The following FARP1 variants were observed in gnomAD, a reference collection of about 807,000 sequenced individuals.
FARP1 encodes FERM, ARH/RhoGEF and pleckstrin domain protein 1, also known as FERM, ARHGEF and pleckstrin domain-containing protein 1.
In FARP1, 52 loss-of-function variants were observed where a neutral mutation model predicts 128.8. The ratio of observed to expected loss-of-function variants is 0.40; its 90% CI spans 0.32 to 0.51. The LOEUF is 0.51. FARP1 is among the 20% of genes least tolerant of loss of function. The pLI is 0.45. For missense variants in FARP1, 1,333 were observed against 1,367.9 expected (o/e 0.97, Z 0.40); for synonymous variants, 580 against 551.8 (o/e 1.05, Z -0.72).
chr13:98,352,030 A>AGGTGGT (rs375833462), intron 3 of FARP1, among the ~76,000 whole-genome samples: 1 of 152,172 alleles, frequency 6.6e-6, no homozygotes, highest in Non-Finnish European at 1.5e-5. Context: ...AGTTCTAAGA[A>AGGTGGT]GGTGGTGGTG....
At chr13:98,294,563 G>A (rs755341423) in intron 2 of FARP1, among the ~76,000 whole-genome samples, 1 of 152,150 alleles carries the variant, frequency 6.6e-6, no homozygotes, top group Non-Finnish European at 1.5e-5. Context: ...TCATTATAGG[G>A]AAAGATAAAA....
At chr13:98,197,969 A>G (rs1879685618) in intron 1 of FARP1, among the ~76,000 whole-genome samples, 1 of 152,208 alleles carries the variant, frequency 6.6e-6, no homozygotes, top group Non-Finnish European at 1.5e-5. Flanking sequence ...GCTGTTGGGA[A>G]TATGCTGACT....
At position 98,233,483 on chromosome 13, in the gene FARP1, C is replaced by T. The variant is rs151067774; in HGVS notation, c.171+20070C>T. ...TCAGCCAAGGAGTCCCAGCTCCTTC[C>T]CCCAAATACACTCATTAGATAGACA... On this transcript the variant is annotated intron_variant, in intron 2 of 26. Coordinates refer to ENST00000319562, the MANE Select transcript of FARP1 (RefSeq NM_005766.4). Among the ~76,000 whole-genome samples the T allele has an allele frequency of 2.0e-5, 3 of 152,234 alleles. No individual in the cohort carries two copies. In the East Asian group the frequency reaches 5.8e-4, roughly 29 times the overall value.
chr13:98,159,091 G>C (rs1348421078), intron 1 of FARP1, among the ~76,000 whole-genome samples: 1 of 152,216 alleles, frequency 6.6e-6, no homozygotes, highest in African/African-American at 2.4e-5. Flanking sequence ...AGTCTAGTGT[G>C]TGAACAAGCA....
intron 14 of FARP1, among the ~76,000 whole-genome samples, chr13:98,410,380 G>C (rs1431427559): frequency 6.6e-6 from 1 of 152,212 alleles, no homozygotes; most frequent in Non-Finnish European, 1.5e-5. Context: ...CATAGGACGA[G>C]ACAGTTCCTT....
chr13:98,348,162 T>A (rs1169296174), intron 3 of FARP1, among the ~76,000 whole-genome samples: 1 of 152,250 alleles, frequency 6.6e-6, no homozygotes, highest in Non-Finnish European at 1.5e-5. Flanking sequence ...TTAATTAGAC[T>A]TGTCCCAAGG....
chr13:98,448,537 G>GTTCT lies in FARP1; in HGVS notation c.*223_*226dup. The GTTCT allele has an allele frequency of 1.8e-6, 1 of 559,434 alleles. No individual in the cohort carries two copies. The highest frequency in any genetic ancestry group is 3.1e-5 in the East Asian group (1 of 32,776). 34.7% of individuals were successfully genotyped at this position (559,434 alleles called of 1,614,324 possible). A position where few individuals can be genotyped will look rare whatever the true frequency, so the allele number is the denominator to read the frequency against. ...AGTCCTGGCATCCGCTGGGGGCGCT[G>GTTCT]TTCTTTAGCTAGTGCCAGTATTAAA... On this transcript the variant is annotated 3_prime_UTR_variant, in exon 27 of 27. Coordinates refer to ENST00000319562, the MANE Select transcript of FARP1 (RefSeq NM_005766.4).
chr13:98,439,642 G>A (rs982415533), intron 21 of FARP1, among the ~76,000 whole-genome samples: 2 of 152,206 alleles, frequency 1.3e-5, no homozygotes, highest in African/African-American at 4.8e-5. Flanking sequence ...GCTGCCTCCT[G>A]TCCCCCTTGG....
chr13:98,205,020 G>A (rs1880184930), intron 1 of FARP1, among the ~76,000 whole-genome samples: 1 of 152,122 alleles, frequency 6.6e-6, no homozygotes, highest in African/African-American at 2.4e-5. Context: ...TTTTGATTCT[G>A]TTACAATTCT....
chr13:98,379,963 C>T (rs995305545), intron 6 of FARP1, among the ~76,000 whole-genome samples: 3 of 152,200 alleles, frequency 2.0e-5, no homozygotes, highest in Non-Finnish European at 4.4e-5. Context: ...ACCTGCAACC[C>T]TCCTTTTCCA....
intron 2 of FARP1, among the ~76,000 whole-genome samples, chr13:98,224,535 A>G (rs1248138071): frequency 6.0e-5 from 3 of 50,406 alleles, no homozygotes; most frequent in East Asian, 2.8e-4. Context: ...TCAAAAAAAA[A>G]AAAAAAAAAA....
chr13:98,229,814 A>G (rs2139398724), intron 2 of FARP1, among the ~76,000 whole-genome samples: 1 of 152,244 alleles, frequency 6.6e-6, no homozygotes, highest in East Asian at 1.9e-4. Context: ...TCATGTCAGC[A>G]ACCCTGGTGG....
intron 18 of FARP1, chr13:98,433,819 C>G (rs1352101878): frequency 2.6e-5 from 4 of 152,478 alleles, no homozygotes; most frequent in African/African-American, 9.7e-5. Context: ...AGCTCTCTCT[C>G]GTCCTTTAAG....
chr13:98,429,583 A>C (rs1891933560), intron 17 of FARP1, among the ~76,000 whole-genome samples: 1 of 152,172 alleles, frequency 6.6e-6, no homozygotes, highest in African/African-American at 2.4e-5. Flanking sequence ...AAGAATGTGG[A>C]GTGTACCCCA....
chr13:98,304,796 T>A (rs1015370555), intron 2 of FARP1, among the ~76,000 whole-genome samples: 1 of 152,236 alleles, frequency 6.6e-6, no homozygotes, highest in Admixed American at 6.5e-5. Flanking sequence ...TGAGACCTTG[T>A]CTGAGCTGGG....
rs780718364 is a variant in FARP1, at chr13:98,213,286, G to T, written c.44G>T (p.Gly15Val). The change falls in exon 2 of 27, where the codon GGG becomes GTG. Residue 15 changes from glycine to valine, a missense_variant. Around this residue, in one of 2 missense-constraint regions of FARP1, gnomAD observed 324 missense variants for 398.1 expected, o/e 0.81. Coordinates refer to ENST00000319562, the MANE Select transcript of FARP1 (RefSeq NM_005766.4). ...AGGCCGACCCCAGGATCACGACTGG[G>T]GGCCCCGGAAAATTCGGGGATCAGT... ...EQRPTPGSRL[G>V]APENSGISTL... 1 of 1,614,048 alleles carries T rather than the reference G, an allele frequency of 6.2e-7. No individual in the cohort carries two copies. The highest frequency in any genetic ancestry group is 1.1e-5 in the South Asian group (1 of 91,060).
chr13:98,278,288 A>G (rs1048271885), intron 2 of FARP1, among the ~76,000 whole-genome samples: 31 of 144,822 alleles, frequency 2.1e-4, no homozygotes, highest in African/African-American at 8.0e-4. Flanking sequence ...GAATGTGTGT[A>G]TGTATGTGTG....
chr13:98,448,325 A>T lies in FARP1; in HGVS notation c.*8A>T. On this transcript the variant is annotated 3_prime_UTR_variant, in exon 27 of 27. Coordinates refer to ENST00000319562, the MANE Select transcript of FARP1 (RefSeq NM_005766.4). ...GAGTCTCTTGTGTATTGATGGCCGGACACACTCGTTTCCGCAGTGGCTGCT... is the reference window on the plus strand; with the variant it reads ...GAGTCTCTTGTGTATTGATGGCCGGTCACACTCGTTTCCGCAGTGGCTGCT... The T allele has an allele frequency of 1.9e-6, 3 of 1,606,658 alleles. No homozygotes were observed. The highest frequency in any genetic ancestry group is 2.6e-6 in the Non-Finnish European group (3 of 1,173,118).
chr13:98,363,845 G>A (rs1367089297), intron 3 of FARP1, among the ~76,000 whole-genome samples: 8 of 152,262 alleles, frequency 5.3e-5, no homozygotes, highest in Non-Finnish European at 1.0e-4. Context: ...GGGTTCAAGT[G>A]ATTCTCCTGC....
Sources: gnomAD v4.1 joint callset for allele counts (sites outside exome capture counted in the v4.1 genomes callset) on GRCh38, gnomAD v4.1.1 for gene constraint, gnomAD v4.1.1 regional missense constraint, MANE v1.5 for transcripts, NCBI Gene and HGNC (gene_info 2026-07-23, HGNC 2026-07-21) for gene names.